The following CDH23 variants were observed in gnomAD, a reference collection of about 807,000 sequenced individuals.
CDH23 encodes cadherin related 23.
Under a neutral mutation model 317.1 loss-of-function variants are expected in CDH23, and 189 were observed. The observed-to-expected ratio is 0.60, with a 90% CI of 0.53 to 0.67. CDH23 has a LOEUF of 0.67. Ranked by LOEUF, CDH23 falls within the 30% of genes least tolerant of loss-of-function variation. CDH23 has a pLI of 0.00. For synonymous variants in CDH23, 1,839 were observed against 1,876.8 expected (o/e 0.98, Z 0.52); for missense variants, 4,401 against 4,592.4 (o/e 0.96, Z 1.20).
At chr10:71,499,274 T>C (rs919459059) in intron 3 of CDH23, among the ~76,000 whole-genome samples, 2 of 152,096 alleles carry the variant, frequency 1.3e-5, no homozygotes, top group African/African-American at 2.4e-5. Context: ...GGATGGTTGA[T>C]GAGTAAAAAA....
At chr10:71,519,981 A>T (rs1854572054) in intron 6 of CDH23, among the ~76,000 whole-genome samples, 1 of 151,996 alleles carries the variant, frequency 6.6e-6, no homozygotes, top group African/African-American at 2.4e-5. Flanking sequence ...TAGGGCCACC[A>T]GCATTTTGTA....
chr10:71,654,586 A>G (rs1863332915), intron 14 of CDH23, among the ~76,000 whole-genome samples: 1 of 152,140 alleles, frequency 6.6e-6, no homozygotes, highest in Non-Finnish European at 1.5e-5. Flanking sequence ...TTTCCTTGGG[A>G]TCTGAGGTGA....
At chr10:71,488,186 A>G (rs1374809771) in intron 3 of CDH23, among the ~76,000 whole-genome samples, 2 of 152,266 alleles carry the variant, frequency 1.3e-5, no homozygotes, top group Non-Finnish European at 2.9e-5. Flanking sequence ...GCCAGTGAGC[A>G]CAGGCAGCAT....
At chr10:71,507,414 G>A (rs3740463) in intron 3 of CDH23, among the ~76,000 whole-genome samples, 21,183 of 152,240 alleles carry the variant, frequency 0.14, 1,808 homozygotes, top group Middle Eastern at 0.18. Context: ...AAATTAGGCC[G>A]GACATGGTGG....
chr10:71,513,007 C>T (rs185434632), intron 6 of CDH23, among the ~76,000 whole-genome samples: 1 of 152,276 alleles, frequency 6.6e-6, no homozygotes, highest in East Asian at 1.9e-4. Flanking sequence ...CACTTCACCT[C>T]TCTGTGCCAT....
chr10:71,566,093 G>A (rs1183316371), intron 6 of CDH23, among the ~76,000 whole-genome samples: 1 of 152,196 alleles, frequency 6.6e-6, no homozygotes, highest in African/African-American at 2.4e-5. Context: ...TGTGTTCTAT[G>A]CAAAGGGCAC....
At chr10:71,437,752 C>T (rs1241652915) in intron 1 of CDH23, among the ~76,000 whole-genome samples, 1 of 152,204 alleles carries the variant, frequency 6.6e-6, no homozygotes, top group East Asian at 1.9e-4. Flanking sequence ...AGCCTGATTT[C>T]TAGTTTTTCA....
Position 71,507,058 on chromosome 10 carries a change from G to T in CDH23, c.146-3024G>T, listed in dbSNP as rs530903679. 6.6e-5 allele frequency among the ~76,000 whole-genome samples: 10 copies of T among 152,280 alleles called. No homozygotes were observed. The South Asian group carries it at 1.9e-3, about 28-fold the overall frequency. ...CCAGTTGTGCAACCTTGGCTGGAAG[G>T]CCAGGGTGGTCTTCCCAGAATCCTC... On this transcript the variant is annotated intron_variant, in intron 3 of 69. Coordinates refer to ENST00000224721, the MANE Select transcript of CDH23 (RefSeq NM_022124.6).
intron 4 of CDH23, among the ~76,000 whole-genome samples, chr10:71,510,553 C>A (rs1205131026): frequency 6.6e-6 from 1 of 151,926 alleles, no homozygotes; most frequent in Non-Finnish European, 1.5e-5. Flanking sequence ...CCCCCAATAT[C>A]CAGAGAAGCA....
intron 14 of CDH23, among the ~76,000 whole-genome samples, chr10:71,661,441 A>T (rs1480843734): frequency 6.6e-6 from 1 of 151,638 alleles, no homozygotes. Flanking sequence ...TTCTCTGAAC[A>T]CCTCCGTTTC....
intron 6 of CDH23, among the ~76,000 whole-genome samples, chr10:71,559,935 G>A (rs1047659531): frequency 6.6e-6 from 1 of 152,188 alleles, no homozygotes; most frequent in Non-Finnish European, 1.5e-5. Flanking sequence ...ACCAGAATGG[G>A]GCTCCCTGAG....
Position 71,702,074 on chromosome 10 carries a change from T to A in CDH23, c.2450T>A (p.Ile817Asn). 2 of 1,613,860 alleles carry A rather than the reference T, an allele frequency of 1.2e-6. No homozygotes were observed. Among genetic ancestry groups the A allele is most frequent in the South Asian group, 1.1e-5 (1 of 91,086 alleles). Residue 817 changes from isoleucine (I) to asparagine (N), a missense_variant, in exon 23 of 70, where the codon ATC (isoleucine) becomes AAC (asparagine). This residue lies in a region of CDH23 where 3,068 missense variants were observed against 3,203.3 expected (regional missense o/e 0.96). Transcript: ENST00000224721. The stretch of plus-strand genomic sequence containing the variant: ...GAGAATGGCACCCTGGTGTACAGCA[T>A]CCAGCCACCCAACAAGTTCTACAGC... ...LGENGTLVYS[I>N]QPPNKFYSLN...
At chr10:71,661,509 T>C (rs1014017321) in intron 14 of CDH23, among the ~76,000 whole-genome samples, 3 of 152,152 alleles carry the variant, frequency 2.0e-5, no homozygotes, top group African/African-American at 7.2e-5. Flanking sequence ...GGGGACGTTT[T>C]TAAAACAGTG....
At chr10:71,646,773 G>T in intron 14 of CDH23, 156 bp downstream of exon 14, 1 of 1,583,480 alleles carries the variant, frequency 6.3e-7, no homozygotes, top group Non-Finnish European at 8.6e-7. Flanking sequence ...TAAAGTTTTT[G>T]GACTCTTCAG....
At chr10:71,804,888 A>C (rs1841665644) in intron 55 of CDH23, among the ~76,000 whole-genome samples, 1 of 152,230 alleles carries the variant, frequency 6.6e-6, no homozygotes, top group South Asian at 2.1e-4. Flanking sequence ...AATTAATAAT[A>C]ATCTAGTCCT....
intron 38 of CDH23, among the ~76,000 whole-genome samples, chr10:71,760,175 ATGTG>A (rs772295364): frequency 6.1e-5 from 1 of 16,424 alleles, no homozygotes; most frequent in Non-Finnish European, 1.2e-4. Flanking sequence ...ATACATATAT[ATGTG>A]TGTATATATA....
chr10:71,694,096 T>A, intron 20 of CDH23, 51 bp from the exon 21 acceptor site: 3 of 1,375,928 alleles, frequency 2.2e-6, no homozygotes, highest in Non-Finnish European at 3.1e-6. Flanking sequence ...TCCCTCCCTC[T>A]CTCCCTGGCC....
chr10:71,592,755 C>T (rs915003648), intron 9 of CDH23, among the ~76,000 whole-genome samples: 1 of 152,208 alleles, frequency 6.6e-6, no homozygotes, highest in Non-Finnish European at 1.5e-5. Context: ...TGCAGCGTTT[C>T]GGACCTGGGT....
At position 71,599,340 on chromosome 10, in the gene CDH23, G is replaced by A. The variant is rs114642334; in HGVS notation, c.833-16164G>A. ...AAAGGTAAAAACCTCTGATCCTGAC[G>A]TTGGCTTCAAAAATGGCATCCCTGA... On this transcript the variant is annotated intron_variant, in intron 9 of 69. Coordinates refer to ENST00000224721, the MANE Select transcript of CDH23 (RefSeq NM_022124.6). Among the ~76,000 whole-genome samples, 988 of 152,216 alleles carry A rather than the reference G, an allele frequency of 6.5e-3. 7 individuals carry two copies. Among genetic ancestry groups the A allele is most frequent in the African/African-American group, 0.022 (921 of 41,528 alleles).
Sources: allele counts gnomAD v4.1 joint callset (sites outside exome capture counted in the v4.1 genomes callset), GRCh38; gene constraint gnomAD v4.1.1; regional missense constraint gnomAD v4.1.1; transcripts MANE v1.5; gene names NCBI Gene and HGNC (gene_info 2026-07-23, HGNC 2026-07-21).